Variants in MGAT4C observed in about 807,000 individuals in gnomAD.
MGAT4C encodes the protein MGAT4 family member C.
A neutral mutation model predicts 40.1 loss-of-function variants in MGAT4C; 19 were observed. The ratio of observed to expected loss-of-function variants is 0.47; its 90% CI spans 0.33 to 0.70. MGAT4C has a LOEUF of 0.70. MGAT4C is among the 30% of genes least tolerant of loss of function. MGAT4C has a pLI of 0.02. For missense variants in MGAT4C, 491 were observed against 563.2 expected, an observed-to-expected ratio of 0.87 and a Z score of 1.30; for synonymous variants, 181 against 187.1, an observed-to-expected ratio of 0.97 and a Z score of 0.27.
intron 2 of MGAT4C, among the ~76,000 whole-genome samples, chr12:86,710,663 C>T (rs546671809): frequency 1.2e-3 from 187 of 152,116 alleles, no homozygotes; most frequent in Non-Finnish European, 1.9e-3. Flanking sequence ...AACTATCACT[C>T]GATCCAGCAA....
At chr12:86,388,806 T>A (rs372380831) in intron 3 of MGAT4C, among the ~76,000 whole-genome samples, 1 of 150,532 alleles carries the variant, frequency 6.6e-6, no homozygotes, top group African/African-American at 2.4e-5. Flanking sequence ...CTCAGCTTCC[T>A]GAGTAGCTGG....
intron 1 of MGAT4C, among the ~76,000 whole-genome samples, chr12:86,250,583 A>G (rs1952234730): frequency 6.6e-6 from 1 of 152,152 alleles, no homozygotes; most frequent in African/African-American, 2.4e-5. Flanking sequence ...ACTCTCATTG[A>G]CTTATGAAAA....
chr12:86,512,055 A>T (rs756956604), intron 2 of MGAT4C, among the ~76,000 whole-genome samples: 52 of 152,134 alleles, frequency 3.4e-4, no homozygotes, highest in Non-Finnish European at 4.7e-4. Flanking sequence ...CGCAGAAACA[A>T]ACAAGAAAAA....
intron 4 of MGAT4C, among the ~76,000 whole-genome samples, chr12:86,290,085 C>A (rs569950049): frequency 1.3e-5 from 2 of 151,576 alleles, no homozygotes. Flanking sequence ...CTTGCTCTGT[C>A]ACCCATGCTG....
chr12:86,097,628 T>C (rs973737593), intron 1 of MGAT4C, among the ~76,000 whole-genome samples: 4 of 151,710 alleles, frequency 2.6e-5, no homozygotes, highest in African/African-American at 7.2e-5. Flanking sequence ...ATTTAGAAAT[T>C]TCATTATATT....
At chr12:86,340,458 A>G (rs1346967862) in intron 3 of MGAT4C, among the ~76,000 whole-genome samples, 4 of 152,124 alleles carry the variant, frequency 2.6e-5, no homozygotes, top group African/African-American at 7.2e-5. Flanking sequence ...TAAGAAACTA[A>G]CAAAGAAAGG....
rs575925016 is a variant in MGAT4C, at chr12:86,366,981, A to G, written c.-119-32854T>C. ...GATAAATAGCATCTACAAAAGTCCT[A>G]CAGCTGGCATCATATTTGAAAGTGT... is the stretch of plus-strand genomic sequence containing the variant. On this transcript the variant is annotated intron_variant, in intron 3 of 7. Transcript: ENST00000548651. Among the ~76,000 whole-genome samples the G allele has an allele frequency of 3.3e-5, 5 of 152,272 alleles. No individual in the cohort carries two copies. The South Asian group carries it at 1.0e-3, about 32-fold the overall frequency.
At position 86,363,970 on chromosome 12, in the gene MGAT4C, TCTCACA is replaced by T. The variant is rs1292023903; in HGVS notation, c.-119-29849_-119-29844del. 2.1e-4 allele frequency among the ~76,000 whole-genome samples: 16 copies of T among 77,794 alleles called. No individual in the cohort carries two copies. In the Admixed American group the frequency reaches 2.6e-3, roughly 13 times the overall value. 51.0% of individuals were successfully genotyped at this position (77,794 alleles called of 152,430 possible). A position where few individuals can be genotyped will look rare whatever the true frequency, so the allele number is the denominator to read the frequency against. On this transcript the variant is annotated intron_variant, in intron 3 of 7. Coordinates refer to the MGAT4C transcript ENST00000548651. Reference sequence around the variant, plus strand: ...CTCTTTCTCACTCTCTCTCTCTCTCTCTCACACACACACACACACACAGAGACACAA... The same window carrying T: ...CTCTTTCTCACTCTCTCTCTCTCTCTCACACACACACACACAGAGACACAA...
chr12:86,586,115 A>C, intron 2 of MGAT4C, among the ~76,000 whole-genome samples: 1 of 100,180 alleles, frequency 1.0e-5, no homozygotes, highest in Non-Finnish European at 1.9e-5. Context: ...CCCACCCCAC[A>C]ACAGTCCCCA....
intron 3 of MGAT4C, among the ~76,000 whole-genome samples, chr12:86,398,169 G>C (rs546700300): frequency 5.9e-5 from 9 of 152,314 alleles, no homozygotes; most frequent in African/African-American, 2.2e-4. Context: ...CTGGAAGCCA[G>C]AACTTTAAAG....
intron 3 of MGAT4C, among the ~76,000 whole-genome samples, chr12:85,986,859 TC>T (rs1885263043): frequency 6.6e-6 from 1 of 152,130 alleles, no homozygotes; most frequent in South Asian, 2.1e-4. Flanking sequence ...GGGGCCAGTT[TC>T]CCATGGATAC....
chr12:86,412,214 A>C (rs1956621274), intron 3 of MGAT4C, among the ~76,000 whole-genome samples: 1 of 152,182 alleles, frequency 6.6e-6, no homozygotes. Flanking sequence ...CCACTGGGGC[A>C]CTTCCTAGGG....
intron 1 of MGAT4C, among the ~76,000 whole-genome samples, chr12:86,199,659 A>G (rs1026998395): frequency 6.6e-6 from 1 of 152,128 alleles, no homozygotes; most frequent in African/African-American, 2.4e-5. Flanking sequence ...ATCATATACT[A>G]TAGAACAAGC....
intron 4 of MGAT4C, among the ~76,000 whole-genome samples, chr12:86,306,258 A>G (rs990964371): frequency 6.6e-6 from 1 of 150,544 alleles, no homozygotes; most frequent in Non-Finnish European, 1.5e-5. Context: ...CTTATCAAGA[A>G]AGTTAATAGC....
intron 2 of MGAT4C, among the ~76,000 whole-genome samples, chr12:86,031,138 T>C (rs1218511544): frequency 6.6e-6 from 1 of 151,730 alleles, no homozygotes; most frequent in South Asian, 2.1e-4. Flanking sequence ...GTACAAAATG[T>C]AGTCAACTTG....
At chr12:86,020,030 C>T (rs910929366) in intron 2 of MGAT4C, among the ~76,000 whole-genome samples, 2 of 152,116 alleles carry the variant, frequency 1.3e-5, no homozygotes, top group Non-Finnish European at 2.9e-5. Context: ...GTGATTTTTG[C>T]ACATTGATTT....
At chr12:86,339,148 A>G (rs1002021639) in intron 3 of MGAT4C, among the ~76,000 whole-genome samples, 1 of 152,074 alleles carries the variant, frequency 6.6e-6, no homozygotes, top group African/African-American at 2.4e-5. Context: ...AAAAAATTGG[A>G]GCACAAAGAG....
At chr12:85,982,848 T>C (rs1884766029) in intron 4 of MGAT4C, among the ~76,000 whole-genome samples, 1 of 152,156 alleles carries the variant, frequency 6.6e-6, no homozygotes, top group Non-Finnish European at 1.5e-5. Context: ...ACTTGTGTCC[T>C]TATAAAAAGA....
At chr12:86,522,091 T>A (rs148577075) in intron 2 of MGAT4C, among the ~76,000 whole-genome samples, 2 of 152,300 alleles carry the variant, frequency 1.3e-5, no homozygotes, top group African/African-American at 4.8e-5. Context: ...GGATGCCCTT[T>A]ATCTCTTTCT....
Sources: gnomAD v4.1 joint callset for allele counts (sites outside exome capture counted in the v4.1 genomes callset) on GRCh38, gnomAD v4.1.1 for gene constraint, MANE v1.5 for transcripts, NCBI Gene and HGNC (gene_info 2026-07-23, HGNC 2026-07-21) for gene names.